Variants in ASAP1 observed in about 807,000 individuals in gnomAD.
ASAP1 encodes arf-GAP with SH3 domain, ANK repeat and PH domain-containing protein 1.
In ASAP1, 43 loss-of-function variants were observed where a neutral mutation model predicts 145.2. The observed-to-expected ratio is 0.30, with a 90% CI of 0.23 to 0.38. The LOEUF is 0.38. Ranked by LOEUF, ASAP1 falls within the 10% of genes least tolerant of loss-of-function variation. The probability of loss-of-function intolerance (pLI) is 1.00; values close to 1 mark genes in which losing one functional copy is unlikely to be tolerated. For synonymous variants in ASAP1, 546 were observed against 515.5 expected (o/e 1.06, Z -0.80); for missense variants, 1,018 against 1,355.3 (o/e 0.75, Z 3.91).
At chr8:130,187,161 GTTT>G (rs1001676910) in intron 7 of ASAP1, 72 bp downstream of exon 7, 5 of 1,089,774 alleles carry the variant, frequency 4.6e-6, no homozygotes, top group African/African-American at 1.7e-5. Context: ...TTCCAGTTAA[GTTT>G]TTTTTTTTGT....
At chr8:130,208,124 A>T (rs1816341168) in intron 5 of ASAP1, among the ~76,000 whole-genome samples, 1 of 152,228 alleles carries the variant, frequency 6.6e-6, no homozygotes, top group South Asian at 2.1e-4. Flanking sequence ...AAAAAATTGT[A>T]AAACTAGTAG....
chr8:130,077,139 T>C (rs2097464305), intron 26 of ASAP1, among the ~76,000 whole-genome samples: 1 of 152,208 alleles, frequency 6.6e-6, no homozygotes, highest in African/African-American at 2.4e-5. Context: ...CTAGCTCCCC[T>C]GGGCCTCCAG....
intron 15 of ASAP1, among the ~76,000 whole-genome samples, chr8:130,129,693 TA>T (rs1383283918): frequency 6.6e-6 from 1 of 152,148 alleles, no homozygotes. Context: ...GCATAAGAAT[TA>T]AAAACCAAAT....
intron 1 of ASAP1, among the ~76,000 whole-genome samples, chr8:130,414,040 A>AGT (rs1829374350): frequency 6.6e-6 from 1 of 152,160 alleles, no homozygotes; most frequent in Admixed American, 6.5e-5. Context: ...AGTTGCTATA[A>AGT]AGTAGAGAAA....
chr8:130,437,260 A>G (rs1830345546), intron 1 of ASAP1, among the ~76,000 whole-genome samples: 1 of 152,264 alleles, frequency 6.6e-6, no homozygotes, highest in African/African-American at 2.4e-5. Context: ...CAAAGGGCCA[A>G]GAGGAATAAC....
Position 130,374,866 on chromosome 8 carries a change from G to A in ASAP1, c.60-16723C>T, listed in dbSNP as rs746544889. 6.6e-5 allele frequency among the ~76,000 whole-genome samples: 10 copies of A among 152,208 alleles called. 1 individual carries two copies. The highest frequency in any genetic ancestry group is 1.0e-4 in the Non-Finnish European group (7 of 68,036). On this transcript the variant is annotated intron_variant, in intron 2 of 29. Coordinates refer to ENST00000518721, the MANE Select transcript of ASAP1 (RefSeq NM_018482.4). The stretch of plus-strand genomic sequence containing the variant: ...TGATTTATCCCTTAAGGATAGTGGT[G>A]TCGCTGTTCACAGAGCCCCCAAACA...
chr8:130,300,149 C>CAGAGAGAG (rs1248977728), intron 3 of ASAP1, among the ~76,000 whole-genome samples: 42 of 88,704 alleles, frequency 4.7e-4, no homozygotes, highest in Middle Eastern at 5.6e-3. Context: ...CACACACACA[C>CAGAGAGAG]ACACAGAGAG....
intron 2 of ASAP1, among the ~76,000 whole-genome samples, chr8:130,371,544 G>T (rs541911119): frequency 6.6e-6 from 1 of 152,350 alleles, no homozygotes; most frequent in Non-Finnish European, 1.5e-5. Context: ...CCAGTGAGAT[G>T]TAAGCAGAAA....
intron 3 of ASAP1, among the ~76,000 whole-genome samples, chr8:130,333,980 G>C (rs1372154095): frequency 2.0e-5 from 3 of 152,184 alleles, no homozygotes; most frequent in African/African-American, 4.8e-5. Flanking sequence ...ACTTCTAATG[G>C]GGACTGGGGA....
intron 5 of ASAP1, among the ~76,000 whole-genome samples, chr8:130,211,299 G>A (rs900137371): frequency 5.3e-5 from 8 of 152,164 alleles, no homozygotes; most frequent in Admixed American, 3.3e-4. Context: ...GTCCTCAGAC[G>A]TATGGTTAAT....
chr8:130,060,427 G>T, intron 28 of ASAP1, 152 bp downstream of exon 28: 3 of 1,111,670 alleles, frequency 2.7e-6, no homozygotes, highest in Non-Finnish European at 2.5e-6. Context: ...TAACCCACAG[G>T]CTCTAATCCA....
At chr8:130,238,566 A>G (rs1818347160) in intron 3 of ASAP1, among the ~76,000 whole-genome samples, 1 of 152,156 alleles carries the variant, frequency 6.6e-6, no homozygotes, top group Non-Finnish European at 1.5e-5. Context: ...CTGAGCACTT[A>G]CTAGACATCA....
chr8:130,100,897 C>T (rs1317283367), intron 24 of ASAP1, among the ~76,000 whole-genome samples: 2 of 152,114 alleles, frequency 1.3e-5, no homozygotes, highest in East Asian at 3.9e-4. Context: ...GCTACACATA[C>T]AATTTTTGCC....
Position 130,443,466 on chromosome 8 carries a change from C to G in ASAP1, c.-34G>C, listed in dbSNP as rs1830564926. ...CGAGCGCCCCGCAACTCACCGGGACCTGGCGGGCCGCTGGGCATTATTCCA... is the reference window on the plus strand; with the variant it reads ...CGAGCGCCCCGCAACTCACCGGGACGTGGCGGGCCGCTGGGCATTATTCCA... On this transcript the variant is annotated 5_prime_UTR_variant, in exon 1 of 30. Transcript: ENST00000518721. 1.3e-5 allele frequency: 2 copies of G among 150,932 alleles called. No homozygotes were observed. Among genetic ancestry groups the G allele is most frequent in the African/African-American group, 4.8e-5 (2 of 41,338 alleles). The allele number at this position is 150,932 out of a possible 1,614,324, so 9.3% of individuals were successfully genotyped here.
intron 3 of ASAP1, among the ~76,000 whole-genome samples, chr8:130,279,909 C>T (rs1238626312): frequency 2.0e-5 from 3 of 152,298 alleles, no homozygotes; most frequent in East Asian, 1.9e-4. Context: ...AAACCTACAA[C>T]TAAAAAGAGG....
intron 2 of ASAP1, among the ~76,000 whole-genome samples, chr8:130,368,978 A>G (rs1472995004): frequency 6.6e-6 from 1 of 152,220 alleles, no homozygotes; most frequent in African/African-American, 2.4e-5. Flanking sequence ...CCATCTTCAC[A>G]GTTACTAGAT....
chr8:130,226,076 C>G (rs72722393), intron 4 of ASAP1, among the ~76,000 whole-genome samples: 1 of 149,300 alleles, frequency 6.7e-6, no homozygotes, highest in Non-Finnish European at 1.5e-5. Flanking sequence ...TGGGGCCCTA[C>G]TATGCTGCCC....
At chr8:130,384,363 G>A (rs531660726) in intron 2 of ASAP1, among the ~76,000 whole-genome samples, 7 of 152,320 alleles carry the variant, frequency 4.6e-5, no homozygotes, top group African/African-American at 1.7e-4. Context: ...CTGCATACAA[G>A]CATCCATTCT....
rs142213247 is a variant in ASAP1 at position 130,170,460 on chromosome 8, C to T, written c.747-1393G>A. ...GTGAGCCACTGCGCCCAGCTTAAGGCATATCTTAAGAGACATATTTTAAGC... is the reference window on the plus strand; with the variant it reads ...GTGAGCCACTGCGCCCAGCTTAAGGTATATCTTAAGAGACATATTTTAAGC... On this transcript the variant is annotated intron_variant, in intron 9 of 29. Coordinates refer to ENST00000518721, the MANE Select transcript of ASAP1 (RefSeq NM_018482.4). Among the ~76,000 whole-genome samples the T allele has an allele frequency of 3.6e-4, 55 of 152,148 alleles. 2 individuals carry two copies. In the East Asian group the frequency reaches 9.9e-3, roughly 27 times the overall value.
Sources: allele counts gnomAD v4.1 joint callset (sites outside exome capture counted in the v4.1 genomes callset), GRCh38; gene constraint gnomAD v4.1.1; transcripts MANE v1.5; gene names NCBI Gene and HGNC (gene_info 2026-07-23, HGNC 2026-07-21).